Variants in TRPM4 observed in about 807,000 individuals in gnomAD.
TRPM4 encodes the protein transient receptor potential cation channel subfamily M member 4.
A neutral mutation model predicts 135.6 loss-of-function variants in TRPM4; 124 were observed. The ratio of observed to expected loss-of-function variants is 0.91; its 90% CI spans 0.79 to 1.06. TRPM4 has a LOEUF of 1.06. Among genes scored for constraint, TRPM4 ranks in the 50% least tolerant of loss-of-function variants. The probability of loss-of-function intolerance (pLI) is 0.00; values close to 1 mark genes in which losing one functional copy is unlikely to be tolerated. For synonymous variants in TRPM4, 745 were observed against 705.6 expected, an observed-to-expected ratio of 1.06 and a Z score of -0.88; for missense variants, 1,658 against 1,671.4, an observed-to-expected ratio of 0.99 and a Z score of 0.14.
At chr19:49,187,230 A>C (rs1172098229) in intron 12 of TRPM4, among the ~76,000 whole-genome samples, 1 of 151,272 alleles carries the variant, frequency 6.6e-6, no homozygotes, top group Non-Finnish European at 1.5e-5. Flanking sequence ...ATTAGATTCC[A>C]GAATTCTAGA....
At chr19:49,162,689 A>C (rs1402954970) in intron 2 of TRPM4, among the ~76,000 whole-genome samples, 1 of 152,134 alleles carries the variant, frequency 6.6e-6, no homozygotes, top group East Asian at 1.9e-4. Flanking sequence ...GAAACGTTCT[A>C]TGTCTACATC....
intron 19 of TRPM4, among the ~76,000 whole-genome samples, chr19:49,201,041 T>C (rs1448134506): frequency 6.6e-6 from 1 of 151,794 alleles, no homozygotes; most frequent in Non-Finnish European, 1.5e-5. Flanking sequence ...GTTAGAAATG[T>C]TTATTTTGTG....
At chr19:49,158,075 G>A in intron 1 of TRPM4, 117 bp from the exon 2 acceptor site, 2 of 1,302,592 alleles carry the variant, frequency 1.5e-6, no homozygotes, top group African/African-American at 1.4e-5. Context: ...AGGGCGCTGG[G>A]GGCCCGGACT....
chr19:49,163,198 A>T lies in TRPM4; in HGVS notation c.93-2843A>T, dbSNP rs866291894. On this transcript the variant is annotated intron_variant, in intron 2 of 24. Transcript: ENST00000252826. ...GAAGAGCTTTTATTTTATTATTATT[A>T]TTTTTTTTTTTTTTTGAGGCAGAGT... 3.1e-3 allele frequency among the ~76,000 whole-genome samples: 455 copies of T among 145,340 alleles called. 4 individuals carry two copies. The highest frequency in any genetic ancestry group is 6.2e-3 in the African/African-American group (245 of 39,222).
intron 1 of TRPM4, 72 bp downstream of exon 1, chr19:49,157,962 C>A (rs1039734982): frequency 1.0e-5 from 15 of 1,484,050 alleles, no homozygotes; most frequent in Admixed American, 2.0e-5. Context: ...GAGAGGAGGG[C>A]GCTGGACACC....
rs553607417 is a variant in TRPM4, at chr19:49,165,675, AC to A, written c.93-363del. Among the ~76,000 whole-genome samples the A allele has an allele frequency of 9.2e-5, 14 of 152,178 alleles. No homozygotes were observed. The East Asian group carries it at 2.7e-3, about 29-fold the overall frequency. On this transcript the variant is annotated intron_variant, in intron 2 of 24. Coordinates refer to ENST00000252826, the MANE Select transcript of TRPM4 (RefSeq NM_017636.4). ...CGAGCATGCGGGCTCTCCCTGAGTT[AC>A]CCGCTGGATGTTCTTTCTCGTGTTG...
intron 3 of TRPM4, among the ~76,000 whole-genome samples, chr19:49,167,467 C>CTCTCTCTCTGGGTCTCTGTCCCT (rs1277348703): frequency 1.1e-5 from 1 of 88,288 alleles, no homozygotes; most frequent in Non-Finnish European, 2.5e-5. Context: ...GTCTCTGTCG[C>CTCTCTCTCTGGGTCTCTGTCCCT]CATCTCTCTG....
Position 49,172,039 on chromosome 19 carries a change from C to T in TRPM4, c.1081C>T (p.Leu361=), listed in dbSNP as rs1296787987. ...GAGGATTATGACCCGGAAGGAGCTC[C>T]TGACAGTCTATTCTTCTGAGGATGG... ...VERIMTRKEL[L]TVYSSEDGSE... Residue 361 remains leucine, a synonymous_variant, in exon 9 of 25, where the codon CTG becomes TTG. Transcript: ENST00000252826. 4 of 1,613,924 alleles carry T rather than the reference C, an allele frequency of 2.5e-6. No individual in the cohort carries two copies. In the African/African-American group the frequency reaches 4.0e-5, roughly 16 times the overall value.
At chr19:49,200,820 A>C in intron 19 of TRPM4, 35 bp downstream of exon 19, 1 of 1,610,574 alleles carries the variant, frequency 6.2e-7, no homozygotes, top group Non-Finnish European at 8.5e-7. Context: ...CCTTCCTCTG[A>C]GTCTCTGTCC....
rs759383683 is a variant in TRPM4 at position 49,166,092 on chromosome 19, C to T, written c.144C>T (p.Ala48=). ...CCCGGACCGCCCACCCCGCAGTGGC[C>T]ATGGAGGATGCCTTCGGGGCAGCCG... ...GRPRTAHPAV[A]MEDAFGAAVV... Residue 48 remains alanine, a synonymous_variant, in exon 3 of 25, where the codon GCC becomes GCT. Coordinates refer to ENST00000252826, the MANE Select transcript of TRPM4 (RefSeq NM_017636.4). The T allele has an allele frequency of 1.1e-5, 18 of 1,604,074 alleles. No homozygotes were observed. The highest frequency in any genetic ancestry group is 1.3e-5 in the African/African-American group (1 of 74,834).
Position 49,202,054 on chromosome 19 carries a change from A to G in TRPM4, c.3044A>G (p.Tyr1015Cys), listed in dbSNP as rs1191418561. 2 of 1,613,914 alleles carry G rather than the reference A, an allele frequency of 1.2e-6. No homozygotes were observed. Among genetic ancestry groups the G allele is most frequent in the African/African-American group, 1.3e-5 (1 of 74,896 alleles). Residue 1015 changes from tyrosine to cysteine, a missense_variant, in exon 20 of 25, where the codon TAT becomes TGT. This residue lies in a region of TRPM4 where 1,412 missense variants were observed against 1,408.7 expected (regional missense o/e 1.00). Transcript: ENST00000252826. ...CAGGCGGGCACCTGCGTCTCCCAGTATGCCAACTGGCTGGTGGTGCTGCTC... is the reference window on the plus strand; with the variant it reads ...CAGGCGGGCACCTGCGTCTCCCAGTGTGCCAACTGGCTGGTGGTGCTGCTC... ...GAQAGTCVSQ[Y>C]ANWLVVLLLV...
At chr19:49,176,844 C>G (rs922862429) in intron 9 of TRPM4, among the ~76,000 whole-genome samples, 5 of 152,186 alleles carry the variant, frequency 3.3e-5, no homozygotes, top group Non-Finnish European at 7.3e-5. Context: ...GAGCGAGACT[C>G]TGTCTCAAAA....
chr19:49,205,938 A>G (rs919560795), intron 20 of TRPM4, among the ~76,000 whole-genome samples: 2 of 152,092 alleles, frequency 1.3e-5, no homozygotes, highest in African/African-American at 2.4e-5. Flanking sequence ...GATTGCGTCT[A>G]TCCTTATGCC....
intron 12 of TRPM4, among the ~76,000 whole-genome samples, chr19:49,184,658 T>C (rs2032312818): frequency 1.3e-5 from 2 of 151,700 alleles, no homozygotes; most frequent in African/African-American, 4.8e-5. Context: ...TTTTTTGTAT[T>C]TTTTTAGAGA....
intron 2 of TRPM4, among the ~76,000 whole-genome samples, chr19:49,162,709 A>G (rs1967011019): frequency 6.6e-6 from 1 of 152,144 alleles, no homozygotes; most frequent in Non-Finnish European, 1.5e-5. Context: ...CCAATATGGC[A>G]GTCCTGGCCA....
intron 14 of TRPM4, 31 bp downstream of exon 14, chr19:49,189,122 A>G (rs1968314355): frequency 2.5e-6 from 4 of 1,613,578 alleles, no homozygotes; most frequent in Non-Finnish European, 3.4e-6. Flanking sequence ...CATCCCAAAC[A>G]GTCTCCAAGT....
At chr19:49,185,626 C>T (rs576455587) in intron 12 of TRPM4, among the ~76,000 whole-genome samples, 12 of 152,198 alleles carry the variant, frequency 7.9e-5, no homozygotes, top group African/African-American at 2.6e-4. Context: ...AAAAGTGGAA[C>T]ATTTTGAATA....
chr19:49,168,290 C>G lies in TRPM4; in HGVS notation c.479C>G (p.Thr160Arg). Residue 160 changes from threonine (T) to arginine (R), a missense_variant, in exon 5 of 25, where the codon ACG becomes AGG. Thr to Arg is a moderately conservative substitution (Grantham distance 71). Transcript: ENST00000252826. ...GAWIVTGGLH[T>R]GIGRHVGVAV... ...TGGATTGTCACTGGGGGTCTGCACA[C>G]GGGCATCGGCCGGCATGTTGGTGTG... 1 of 1,614,176 alleles carries G rather than the reference C, an allele frequency of 6.2e-7. No homozygotes were observed. Among genetic ancestry groups the G allele is most frequent in the Non-Finnish European group, 8.5e-7 (1 of 1,180,042 alleles).
At chr19:49,187,674 G>A (rs1039008360) in intron 12 of TRPM4, among the ~76,000 whole-genome samples, 1 of 152,154 alleles carries the variant, frequency 6.6e-6, no homozygotes, top group Non-Finnish European at 1.5e-5. Context: ...AAGTGTAATG[G>A]AGAAAGAGTA....
Sources: allele counts gnomAD v4.1 joint callset (sites outside exome capture counted in the v4.1 genomes callset), GRCh38; gene constraint gnomAD v4.1.1; regional missense constraint gnomAD v4.1.1; transcripts MANE v1.5; gene names NCBI Gene and HGNC (gene_info 2026-07-23, HGNC 2026-07-21).